ARHGAP31: variants seen among roughly 807,000 people sequenced by gnomAD.
ARHGAP31 encodes the protein Rho GTPase activating protein 31, also known as rho GTPase-activating protein 31.
Under a neutral mutation model 113.9 loss-of-function variants are expected in ARHGAP31, and 34 were observed. The ratio of observed to expected loss-of-function variants is 0.30; its 90% CI spans 0.23 to 0.40. ARHGAP31 has a LOEUF of 0.40. Ranked by LOEUF, ARHGAP31 falls within the 10% of genes least tolerant of loss-of-function variation. The pLI is 1.00. For synonymous variants in ARHGAP31, 650 were observed against 684.8 expected, an observed-to-expected ratio of 0.95 and a Z score of 0.79; for missense variants, 1,548 against 1,767.1, an observed-to-expected ratio of 0.88 and a Z score of 2.22.
rs558130942 is a variant in ARHGAP31 at position 119,328,034 on chromosome 3, A to G, written c.100+33030A>G. On this transcript the variant is annotated intron_variant, in intron 1 of 11. Transcript: ENST00000264245. ...AAAATAAATTGCCTTCCCAAGGATC[A>G]TAGAGTTGTTTTTAGATGTCTCATA... is the stretch of plus-strand genomic sequence containing the variant. Among the ~76,000 whole-genome samples, 33 of 152,366 alleles carry G rather than the reference A, an allele frequency of 2.2e-4. 1 individual carries two copies. Among genetic ancestry groups the G allele is most frequent in the African/African-American group, 7.7e-4 (32 of 41,592 alleles).
At chr3:119,368,988 G>A (rs1476385526) in intron 3 of ARHGAP31, among the ~76,000 whole-genome samples, 2 of 152,118 alleles carry the variant, frequency 1.3e-5, no homozygotes, top group African/African-American at 2.4e-5. Context: ...GTCAAGAGGT[G>A]TCAGAAAGCT....
chr3:119,381,200 C>T (rs536293363), intron 4 of ARHGAP31, among the ~76,000 whole-genome samples: 2 of 152,284 alleles, frequency 1.3e-5, no homozygotes, highest in South Asian at 4.2e-4. Context: ...GTCTCCAAAT[C>T]ACCTGCAGAA....
intron 9 of ARHGAP31, among the ~76,000 whole-genome samples, chr3:119,401,548 T>A (rs2080607631): frequency 1.3e-5 from 2 of 152,366 alleles, no homozygotes; most frequent in East Asian, 3.9e-4. Flanking sequence ...GTAATCTTTT[T>A]TTGAAAACTG....
At chr3:119,353,728 C>T (rs184639689) in intron 1 of ARHGAP31, among the ~76,000 whole-genome samples, 17 of 141,930 alleles carry the variant, frequency 1.2e-4, no homozygotes. Flanking sequence ...ACGGAGGTTG[C>T]AGTGAGCCAA....
At chr3:119,346,108 C>G (rs1003896439) in intron 1 of ARHGAP31, among the ~76,000 whole-genome samples, 1 of 152,188 alleles carries the variant, frequency 6.6e-6, no homozygotes, top group Non-Finnish European at 1.5e-5. Context: ...ATCTCCTTAA[C>G]CAGCTCAGGA....
intron 1 of ARHGAP31, among the ~76,000 whole-genome samples, chr3:119,296,292 G>C (rs1348848203): frequency 6.6e-6 from 1 of 152,186 alleles, no homozygotes; most frequent in Non-Finnish European, 1.5e-5. Context: ...GAGAACCACA[G>C]GTTTCAAAAC....
At chr3:119,387,189 G>C (rs2080459694) in intron 6 of ARHGAP31, among the ~76,000 whole-genome samples, 1 of 152,192 alleles carries the variant, frequency 6.6e-6, no homozygotes, top group African/African-American at 2.4e-5. Context: ...AGTCCGCCTG[G>C]TAACGGGCGT....
intron 1 of ARHGAP31, among the ~76,000 whole-genome samples, chr3:119,338,039 G>C (rs1367895274): frequency 1.3e-5 from 2 of 152,232 alleles, no homozygotes; most frequent in Admixed American, 6.5e-5. Context: ...CTGTGACACT[G>C]TATTGACATT....
chr3:119,351,793 G>A (rs1428877347), intron 1 of ARHGAP31, among the ~76,000 whole-genome samples: 1 of 152,178 alleles, frequency 6.6e-6, no homozygotes, highest in Non-Finnish European at 1.5e-5. Flanking sequence ...ACATGCGGCC[G>A]TTCTCTGTAT....
intron 10 of ARHGAP31, among the ~76,000 whole-genome samples, chr3:119,405,783 T>G (rs900241765): frequency 1.3e-5 from 2 of 152,220 alleles, no homozygotes; most frequent in African/African-American, 4.8e-5. Context: ...CTATAGAGAT[T>G]TCTTGTAGTT....
intron 1 of ARHGAP31, among the ~76,000 whole-genome samples, chr3:119,345,093 T>C (rs1286775273): frequency 2.0e-5 from 3 of 152,026 alleles, no homozygotes; most frequent in Non-Finnish European, 2.9e-5. Flanking sequence ...CACGCCATTC[T>C]CTTGCTTCAG....
chr3:119,302,693 T>G (rs1381539031), intron 1 of ARHGAP31, among the ~76,000 whole-genome samples: 2 of 152,184 alleles, frequency 1.3e-5, no homozygotes, highest in African/African-American at 4.8e-5. Context: ...ATTATAGAGA[T>G]GGGAAAGGCA....
chr3:119,382,968 C>A, intron 5 of ARHGAP31, 116 bp from the exon 6 acceptor site: 3 of 1,322,688 alleles, frequency 2.3e-6, no homozygotes, highest in Non-Finnish European at 3.3e-6. Context: ...TTAAAATATT[C>A]TATGAACTGT....
At position 119,411,796 on chromosome 3, in the gene ARHGAP31, A is replaced by G. The variant is rs150442960; in HGVS notation, c.1926+2020A>G. On this transcript the variant is annotated intron_variant, in intron 11 of 11. Coordinates refer to ENST00000264245, the MANE Select transcript of ARHGAP31 (RefSeq NM_020754.4). The stretch of plus-strand genomic sequence containing the variant: ...TAATCCAAAAGAAAACACTGAATCC[A>G]TTACAGTTCAGCAGACCCTTTATTG... Among the ~76,000 whole-genome samples the G allele has an allele frequency of 8.3e-3, 1,271 of 152,318 alleles. 17 individuals carry two copies. Among genetic ancestry groups the G allele is most frequent in the African/African-American group, 0.029 (1,209 of 41,572 alleles).
chr3:119,400,826 A>C (rs1356794339), intron 9 of ARHGAP31, among the ~76,000 whole-genome samples: 1 of 152,180 alleles, frequency 6.6e-6, no homozygotes, highest in Admixed American at 6.5e-5. Flanking sequence ...ATCATCTCCA[A>C]GCTTATTTAC....
chr3:119,300,566 C>T (rs1445757267), intron 1 of ARHGAP31, among the ~76,000 whole-genome samples: 2 of 152,130 alleles, frequency 1.3e-5, no homozygotes, highest in African/African-American at 4.8e-5. Flanking sequence ...TGGTGGCTCA[C>T]GCCTATAATT....
intron 5 of ARHGAP31, among the ~76,000 whole-genome samples, chr3:119,382,869 A>G (rs1003480729): frequency 6.6e-6 from 1 of 152,244 alleles, no homozygotes; most frequent in Non-Finnish European, 1.5e-5. Flanking sequence ...ATAGTATTGC[A>G]ATGTAGAGTA....
chr3:119,412,647 A>C (rs1015521110), intron 11 of ARHGAP31, among the ~76,000 whole-genome samples: 6 of 152,200 alleles, frequency 3.9e-5, no homozygotes, highest in African/African-American at 1.4e-4. Context: ...GTAAGGATGT[A>C]TGATTTTGAT....
chr3:119,322,680 G>A (rs1029368430), intron 1 of ARHGAP31: 16 of 152,632 alleles, frequency 1.0e-4, no homozygotes, highest in African/African-American at 3.4e-4. Flanking sequence ...GTCCGGGAGG[G>A]ACGGCGGGGA....
Sources: allele counts gnomAD v4.1 joint callset (sites outside exome capture counted in the v4.1 genomes callset), GRCh38; gene constraint gnomAD v4.1.1; transcripts MANE v1.5; gene names NCBI Gene and HGNC (gene_info 2026-07-23, HGNC 2026-07-21).